The following QTMAN variants were observed in gnomAD, a reference collection of about 807,000 sequenced individuals.
QTMAN encodes the protein queuosine-tRNA mannosyltransferase, also known as tRNA-queuosine alpha-mannosyltransferase.
At chr2:144,126,377 T>G in the QTMAN span, among the ~76,000 whole-genome samples, 1 of 151,930 alleles carries the variant, frequency 6.6e-6, no homozygotes, top group Admixed American at 6.6e-5. Flanking sequence ...AGATCAGGAC[T>G]TTTTAAAGCT....
At chr2:144,254,933 T>G in the QTMAN span, among the ~76,000 whole-genome samples, 1 of 152,256 alleles carries the variant, frequency 6.6e-6, no homozygotes, top group Admixed American at 6.5e-5. Context: ...GTAGCCCCTT[T>G]GTTTTGGCCA....
chr2:144,133,507 A>AAAATATATAT, the QTMAN span, among the ~76,000 whole-genome samples: 2 of 91,826 alleles, frequency 2.2e-5, no homozygotes, highest in African/African-American at 8.6e-5. Context: ...TATAATATAT[A>AAAATATATAT]TACATAATAT....
the QTMAN span, among the ~76,000 whole-genome samples, chr2:144,029,178 G>C: frequency 1.3e-5 from 2 of 152,106 alleles, no homozygotes; most frequent in Non-Finnish European, 2.9e-5. Context: ...TTATTAGAGG[G>C]AGACTATGTC....
the QTMAN span, among the ~76,000 whole-genome samples, chr2:144,274,492 G>C: frequency 1.6e-4 from 25 of 152,314 alleles, no homozygotes; most frequent in South Asian, 5.0e-3. Flanking sequence ...GGAGGTGACA[G>C]GGTCTGAACG....
At chr2:144,322,369 T>A in the QTMAN span, among the ~76,000 whole-genome samples, 1 of 152,174 alleles carries the variant, frequency 6.6e-6, no homozygotes, top group African/African-American at 2.4e-5. Context: ...CAATTTATTT[T>A]AAAAACTTAG....
chr2:144,133,190 TTTA>T, the QTMAN span, among the ~76,000 whole-genome samples: 2,616 of 41,226 alleles, frequency 0.063, 263 homozygotes, highest in African/African-American at 0.21. Flanking sequence ...ATAATATAAA[TTTA>T]TATATATATA....
the QTMAN span, among the ~76,000 whole-genome samples, chr2:144,228,385 G>T: frequency 1.3e-5 from 2 of 151,900 alleles, no homozygotes; most frequent in African/African-American, 4.8e-5. Context: ...CTATAAACAT[G>T]GTCAAATTCC....
chr2:144,181,792 CAG>C, the QTMAN span, among the ~76,000 whole-genome samples: 1 of 152,096 alleles, frequency 6.6e-6, no homozygotes, highest in African/African-American at 2.4e-5. Context: ...GCCTGGGCAA[CAG>C]AGTGACACCC....
the QTMAN span, among the ~76,000 whole-genome samples, chr2:144,025,107 C>T: frequency 2.6e-4 from 40 of 152,276 alleles, no homozygotes; most frequent in African/African-American, 9.4e-4. Context: ...CTAGGCACAC[C>T]TCTGCAGGAC....
At chr2:143,953,058 G>GT in the QTMAN span, among the ~76,000 whole-genome samples, 18 of 151,834 alleles carry the variant, frequency 1.2e-4, no homozygotes, top group African/African-American at 4.3e-4. Context: ...AACAGCATAT[G>GT]TTTTGTTCAC....
chr2:143,956,922 C>T, the QTMAN span, among the ~76,000 whole-genome samples: 40 of 152,148 alleles, frequency 2.6e-4, no homozygotes, highest in Non-Finnish European at 4.9e-4. Flanking sequence ...TTCACATCTC[C>T]ACAACAGAAA....
chr2:144,278,229 T>C, the QTMAN span, among the ~76,000 whole-genome samples: 1 of 152,182 alleles, frequency 6.6e-6, no homozygotes, highest in Non-Finnish European at 1.5e-5. Context: ...CTTTTGCTTT[T>C]GCTCCCTCAA....
chr2:144,257,789 A>G, the QTMAN span, among the ~76,000 whole-genome samples: 3 of 152,234 alleles, frequency 2.0e-5, no homozygotes, highest in African/African-American at 7.2e-5. Flanking sequence ...GAAATAAATC[A>G]GCAAAGAAAT....
At chr2:144,322,256 C>T in the QTMAN span, among the ~76,000 whole-genome samples, 1 of 152,076 alleles carries the variant, frequency 6.6e-6, no homozygotes, top group East Asian at 1.9e-4. Flanking sequence ...ACTTTGTGTT[C>T]TTAAAAATTA....
the QTMAN span, among the ~76,000 whole-genome samples, chr2:143,993,108 T>C: frequency 1.3e-5 from 2 of 152,160 alleles, no homozygotes; most frequent in Non-Finnish European, 2.9e-5. Flanking sequence ...AAGTTACTTA[T>C]TCTATTTCTC....
chr2:144,225,976 T>G, the QTMAN span, among the ~76,000 whole-genome samples: 1 of 152,212 alleles, frequency 6.6e-6, no homozygotes, highest in South Asian at 2.1e-4. Flanking sequence ...ATTCAGTTAA[T>G]GTATTCTGAA....
chr2:144,273,836 T>C, the QTMAN span, among the ~76,000 whole-genome samples: 4 of 152,004 alleles, frequency 2.6e-5, no homozygotes, highest in Non-Finnish European at 5.9e-5. Context: ...CAGTGTGACA[T>C]TGTGATAAGA....
chr2:144,070,310 G>T, the QTMAN span, among the ~76,000 whole-genome samples: 1 of 151,962 alleles, frequency 6.6e-6, no homozygotes, highest in Middle Eastern at 3.4e-3. Context: ...AAACCATTAA[G>T]TTCATCTCTC....
the QTMAN span, among the ~76,000 whole-genome samples, chr2:144,023,935 T>A: frequency 6.6e-6 from 1 of 152,234 alleles, no homozygotes; most frequent in Non-Finnish European, 1.5e-5. Context: ...ATAGTGTATA[T>A]CATCTGAACT....
Sources: gnomAD v4.1 joint callset for allele counts (sites outside exome capture counted in the v4.1 genomes callset) on GRCh38, gnomAD v4.1.1 for gene constraint, MANE v1.5 for transcripts, NCBI Gene and HGNC (gene_info 2026-07-23, HGNC 2026-07-21) for gene names.